Variants in BAZ2A observed in about 807,000 individuals in gnomAD.
BAZ2A encodes bromodomain adjacent to zinc finger domain 2A, also known as bromodomain adjacent to zinc finger domain protein 2A.
A neutral mutation model predicts 199.9 loss-of-function variants in BAZ2A; 34 were observed. That is an observed-to-expected ratio of 0.17 (90% CI 0.13 to 0.23). BAZ2A has a LOEUF of 0.23. Ranked by LOEUF, BAZ2A falls within the 10% of genes least tolerant of loss-of-function variation. BAZ2A has a pLI of 1.00. For missense variants in BAZ2A, 2,002 were observed against 2,391.1 expected (o/e 0.84, Z 3.39); for synonymous variants, 857 against 883.9 (o/e 0.97, Z 0.54).
chr12:56,618,867 T>A (rs1334132800), intron 1 of BAZ2A, among the ~76,000 whole-genome samples: 1 of 150,572 alleles, frequency 6.6e-6, no homozygotes, highest in African/African-American at 2.4e-5. Flanking sequence ...TGAAACTCCA[T>A]CTCAAAAAAA....
chr12:56,634,036 T>C (rs572001736), upstream of BAZ2A, among the ~76,000 whole-genome samples: 17 of 152,230 alleles, frequency 1.1e-4, no homozygotes, highest in Non-Finnish European at 2.1e-4. Context: ...CCGGCCCCCT[T>C]CTCCCCTTTA....
At chr12:56,606,580 A>G in intron 11 of BAZ2A, 53 bp downstream of exon 11, 1 of 1,511,466 alleles carries the variant, frequency 6.6e-7, no homozygotes, top group Non-Finnish European at 9.2e-7. Flanking sequence ...TAAAAGATGA[A>G]GTAAGTTGTA....
intron 13 of BAZ2A, chr12:56,605,562 C>T (rs1357876548): frequency 1.6e-6 from 1 of 610,692 alleles, no homozygotes; most frequent in Non-Finnish European, 2.8e-6. Context: ...GCTGGGACTA[C>T]AGGTACATGC....
At chr12:56,618,011 T>C (rs1390460639) in intron 1 of BAZ2A, among the ~76,000 whole-genome samples, 10 of 152,220 alleles carry the variant, frequency 6.6e-5, no homozygotes, top group Non-Finnish European at 1.5e-5. Context: ...ATTATTAAAC[T>C]TGAGCTAAAC....
upstream of BAZ2A, chr12:56,636,406 G>T: frequency 7.3e-7 from 1 of 1,365,492 alleles, no homozygotes; most frequent in Non-Finnish European, 9.6e-7. Context: ...AGGGAAGGGC[G>T]GGGCTTTCTC....
At chr12:56,616,870 C>T (rs993790170) in intron 2 of BAZ2A, among the ~76,000 whole-genome samples, 5 of 152,166 alleles carry the variant, frequency 3.3e-5, no homozygotes, top group African/African-American at 1.2e-4. Flanking sequence ...ATCCTGGCAG[C>T]AACACCTCCA....
At chr12:56,605,452 C>CA (rs2136869871) in intron 13 of BAZ2A, 125 bp from the exon 14 acceptor site, 1 of 1,046,398 alleles carries the variant, frequency 9.6e-7, no homozygotes, top group East Asian at 2.7e-5. Context: ...GATAGGGTCT[C>CA]ACTCTGTCAC....
rs1259965157 is a variant in BAZ2A at position 56,598,530 on chromosome 12, C to G, written c.*88G>C. 2.0e-6 allele frequency: 3 copies of G among 1,494,614 alleles called. No homozygotes were observed. The highest frequency in any genetic ancestry group is 1.8e-6 in the Non-Finnish European group (2 of 1,114,664). 92.6% of individuals were successfully genotyped at this position (1,494,614 alleles called of 1,614,324 possible). The stretch of plus-strand genomic sequence containing the variant: ...GGTTGTATCTGACTTGAGTCTGGAC[C>G]CAGGGCAGCATCAGCAGGTGAAAAT... On this transcript the variant is annotated 3_prime_UTR_variant, in exon 29 of 29. Transcript: ENST00000549884.
At chr12:56,637,050 G>A (rs1592641803), upstream of BAZ2A, among the ~76,000 whole-genome samples, 1 of 152,216 alleles carries the variant, frequency 6.6e-6, no homozygotes, top group South Asian at 2.1e-4. Context: ...GACTCAGCGG[G>A]TGGAGCTTAT....
At chr12:56,604,120 G>T in intron 16 of BAZ2A, 97 bp downstream of exon 16, 4 of 1,205,130 alleles carry the variant, frequency 3.3e-6, no homozygotes, top group Non-Finnish European at 4.8e-6. Context: ...ACCCAGGGAA[G>T]GGGCTAAAGC....
At chr12:56,621,939 C>T (rs1169735502) in intron 1 of BAZ2A, among the ~76,000 whole-genome samples, 3 of 152,220 alleles carry the variant, frequency 2.0e-5, no homozygotes, top group African/African-American at 7.2e-5. Context: ...ATTCTCCCAC[C>T]TTGACCTCCC....
At position 56,600,815 on chromosome 12, in the gene BAZ2A, T is replaced by C. The variant is rs759171093; in HGVS notation, c.4468A>G (p.Arg1490Gly). 1 of 1,613,756 alleles carries C rather than the reference T, an allele frequency of 6.2e-7. No individual in the cohort carries two copies. The highest frequency in any genetic ancestry group is 8.5e-7 in the Non-Finnish European group (1 of 1,179,840). Residue 1490 changes from arginine (R) to glycine (G), a missense_variant, in exon 23 of 29, where the codon AGG (arginine) becomes GGG (glycine). By Grantham distance (125) the Arg-to-Gly change is moderately radical. Transcript: ENST00000549884. ...CCTTCTTGAAAGGCAGGTAGTTGCC[T>C]GGGCTCAAAGATGGGGTCTGAGAAG... is the stretch of plus-strand genomic sequence containing the variant. ...RPSADPIFEP[R>G]QLPAFQEGIM...
rs2230580 is a variant in BAZ2A, at chr12:56,610,180, T to A, written c.1815A>T (p.Arg605=). The A allele has an allele frequency of 8.1e-3, 13,117 of 1,613,898 alleles. 875 individuals are homozygous for A. The African/African-American group carries it at 0.15, about 18-fold the overall frequency. ...LSRNVVHSVR[R]EHFSFSPRMP... The stretch of plus-strand genomic sequence containing the variant: ...TACGGGGACTGAAGCTGAAGTGCTC[T>A]CGGCGGACACTGTGTACCACGTTGC... The change falls in exon 9 of 29, where the codon CGA becomes CGT. Residue 605 remains arginine (R), a synonymous_variant. Transcript: ENST00000549884.
At chr12:56,602,913 G>A (rs1950224588) in intron 18 of BAZ2A, 56 bp from the exon 19 acceptor site, 2 of 1,540,446 alleles carry the variant, frequency 1.3e-6, no homozygotes. Flanking sequence ...TGACAGTGGT[G>A]AATTCATCCA....
intron 1 of BAZ2A, among the ~76,000 whole-genome samples, chr12:56,628,650 C>A (rs1391441995): frequency 6.6e-6 from 1 of 152,176 alleles, no homozygotes; most frequent in East Asian, 1.9e-4. Context: ...CCCCGACACA[C>A]AAATCCATCT....
At chr12:56,638,163 G>T, upstream of BAZ2A, 1 of 618,380 alleles carries the variant, frequency 1.6e-6, no homozygotes, top group Non-Finnish European at 2.8e-6. Context: ...AGAACCAAGA[G>T]AATCAGACAA....
chr12:56,631,762 G>A (rs1221215404), upstream of BAZ2A, among the ~76,000 whole-genome samples: 1 of 152,130 alleles, frequency 6.6e-6, no homozygotes, highest in Admixed American at 6.5e-5. Flanking sequence ...CAACAAATAC[G>A]TTTTCCTCTG....
intron 10 of BAZ2A, among the ~76,000 whole-genome samples, chr12:56,607,154 G>A (rs1950386477): frequency 6.6e-6 from 1 of 152,070 alleles, no homozygotes; most frequent in Non-Finnish European, 1.5e-5. Context: ...AGGGAAAGAG[G>A]GTAGTAGTTA....
chr12:56,609,765 T>C lies in BAZ2A; in HGVS notation c.2063A>G (p.Asn688Ser), dbSNP rs1950502715. ...GGCCTCCAGTTTCTTTAGGGGGCGG[T>C]TGTCTGTCTTGTTCAATAGCTCAGT... ...KITELLNKTD[N>S]RPLKKLEAQE... The change falls in exon 10 of 29, where the codon AAC becomes AGC. Residue 688 changes from asparagine to serine, a missense_variant. Physicochemically the swap from Asn to Ser is conservative, Grantham distance 46. Around this residue, in one of 6 missense-constraint regions of BAZ2A, gnomAD observed 1,081 missense variants for 1,274.7 expected, o/e 0.85. Coordinates refer to ENST00000549884, the MANE Select transcript of BAZ2A (RefSeq NM_001300905.2). The C allele has an allele frequency of 5.0e-6, 8 of 1,613,736 alleles. No individual in the cohort carries two copies. In the East Asian group the frequency reaches 6.7e-5, roughly 13 times the overall value.
Sources: gnomAD v4.1 joint callset for allele counts (sites outside exome capture counted in the v4.1 genomes callset) on GRCh38, gnomAD v4.1.1 for gene constraint, gnomAD v4.1.1 regional missense constraint, MANE v1.5 for transcripts, NCBI Gene and HGNC (gene_info 2026-07-23, HGNC 2026-07-21) for gene names.